The following GALNT7 variants were observed in gnomAD, a reference collection of about 807,000 sequenced individuals.
GALNT7 encodes polypeptide N-acetylgalactosaminyltransferase 7, also known as N-acetylgalactosaminyltransferase 7.
A neutral mutation model predicts 82.1 loss-of-function variants in GALNT7; 60 were observed. The observed-to-expected ratio is 0.73, with a 90% CI of 0.59 to 0.91. The LOEUF is 0.91. Among genes scored for constraint, GALNT7 ranks in the 40% least tolerant of loss-of-function variants. GALNT7 has a pLI of 0.00. For missense variants in GALNT7, 660 were observed against 804.2 expected (o/e 0.82, Z 2.17); for synonymous variants, 243 against 275.1 (o/e 0.88, Z 1.15).
At chr4:173,214,993 G>A (rs951827764) in intron 1 of GALNT7, among the ~76,000 whole-genome samples, 1 of 152,032 alleles carries the variant, frequency 6.6e-6, no homozygotes, top group East Asian at 1.9e-4. Flanking sequence ...GTTGTGGCTT[G>A]GACATGTGGA....
intron 9 of GALNT7, among the ~76,000 whole-genome samples, chr4:173,315,188 G>A (rs189552619): frequency 3.9e-5 from 6 of 152,248 alleles, no homozygotes; most frequent in Non-Finnish European, 7.4e-5. Flanking sequence ...GACCAACTGC[G>A]GAAGCATAGT....
At chr4:173,220,879 A>G (rs973740130) in intron 1 of GALNT7, among the ~76,000 whole-genome samples, 1 of 151,850 alleles carries the variant, frequency 6.6e-6, no homozygotes, top group Non-Finnish European at 1.5e-5. Context: ...TATGTGCTAC[A>G]TTTTCTTAAT....
intron 2 of GALNT7, among the ~76,000 whole-genome samples, chr4:173,277,128 A>G (rs1377910492): frequency 2.0e-5 from 3 of 152,240 alleles, no homozygotes; most frequent in South Asian, 2.1e-4. Context: ...TTACAAAAAT[A>G]TCAAGTGTAG....
intron 2 of GALNT7, among the ~76,000 whole-genome samples, chr4:173,258,913 C>G (rs1314222510): frequency 6.6e-6 from 1 of 152,214 alleles, no homozygotes. Context: ...TTTCTTGCCT[C>G]CTAAGACAGG....
intron 11 of GALNT7, among the ~76,000 whole-genome samples, chr4:173,319,858 T>G (rs1352659514): frequency 1.3e-5 from 2 of 152,056 alleles, no homozygotes; most frequent in Non-Finnish European, 2.9e-5. Context: ...AAAGAGTGAT[T>G]CATGGGAGGA....
chr4:173,263,844 T>C (rs1735372717), intron 2 of GALNT7, among the ~76,000 whole-genome samples: 1 of 152,142 alleles, frequency 6.6e-6, no homozygotes, highest in African/African-American at 2.4e-5. Flanking sequence ...CTAGAGATAG[T>C]GCTAAGATAA....
chr4:173,310,757 C>T (rs893622309), intron 8 of GALNT7, among the ~76,000 whole-genome samples: 50 of 151,908 alleles, frequency 3.3e-4, no homozygotes, highest in African/African-American at 1.1e-3. Context: ...TGTTTTGAGA[C>T]GGAGTTTCAC....
chr4:173,256,658 T>C (rs1033845544), intron 2 of GALNT7, among the ~76,000 whole-genome samples: 1 of 152,042 alleles, frequency 6.6e-6, no homozygotes, highest in African/African-American at 2.4e-5. Flanking sequence ...CAGAGATTGC[T>C]AGGACTACAT....
At chr4:173,237,793 C>G (rs566746327) in intron 1 of GALNT7, among the ~76,000 whole-genome samples, 2 of 151,664 alleles carry the variant, frequency 1.3e-5, no homozygotes, top group South Asian at 4.2e-4. Context: ...AGTGTGGTCT[C>G]CAGGGATTGA....
At chr4:173,207,276 A>G (rs1482957936) in intron 1 of GALNT7, among the ~76,000 whole-genome samples, 4 of 152,230 alleles carry the variant, frequency 2.6e-5, no homozygotes, top group African/African-American at 9.7e-5. Flanking sequence ...ATGCTTTTTA[A>G]AAATCTTAAT....
At chr4:173,310,097 A>C (rs57706796) in intron 8 of GALNT7, among the ~76,000 whole-genome samples, 1,564 of 152,308 alleles carry the variant, frequency 0.01, 31 homozygotes, top group African/African-American at 0.036. Context: ...GACAGCATCT[A>C]CTTGAGCCAT....
chr4:173,322,328 G>C lies in GALNT7; in HGVS notation c.*611G>C, dbSNP rs1288317147. On this transcript the variant is annotated 3_prime_UTR_variant, in exon 12 of 12. Transcript: ENST00000265000. ...TCTATAGGATGGTAATGATGGACTTGTCACCTGTATGGGGAATACTTTTAC... is the reference window on the plus strand; with the variant it reads ...TCTATAGGATGGTAATGATGGACTTCTCACCTGTATGGGGAATACTTTTAC... 1 of 152,656 alleles carries C rather than the reference G, an allele frequency of 6.6e-6. No individual in the cohort carries two copies. The highest frequency in any genetic ancestry group is 1.5e-5 in the Non-Finnish European group (1 of 68,082). The allele number at this position is 152,656 out of a possible 1,614,324, so 9.5% of individuals were successfully genotyped here.
intron 2 of GALNT7, among the ~76,000 whole-genome samples, chr4:173,270,196 G>A (rs1735672468): frequency 2.0e-5 from 3 of 152,118 alleles, no homozygotes; most frequent in Non-Finnish European, 2.9e-5. Flanking sequence ...TAATTTGGAG[G>A]TACAGGGGAA....
At position 173,291,999 on chromosome 4, in the gene GALNT7, T is replaced by C. The variant is rs1480820675; in HGVS notation, c.588-109T>C. On this transcript the variant is annotated intron_variant, in intron 2 of 11. Transcript: ENST00000265000. ...TTTTGAAGGCTATATTTCATTCACT[T>C]ACCGTAGTTAAGTCGATAGTATGTA... 7.7e-6 allele frequency: 5 copies of C among 653,340 alleles called. No homozygotes were observed. In the African/African-American group the frequency reaches 9.5e-5, roughly 12 times the overall value. 40.5% of individuals were successfully genotyped at this position (653,340 alleles called of 1,614,324 possible).
intron 2 of GALNT7, among the ~76,000 whole-genome samples, chr4:173,267,429 G>GT (rs1403591595): frequency 6.6e-6 from 1 of 152,176 alleles, no homozygotes; most frequent in East Asian, 1.9e-4. Context: ...GTACTTGAGG[G>GT]TTTGTGGACA....
At chr4:173,191,230 G>C (rs183109462) in intron 1 of GALNT7, among the ~76,000 whole-genome samples, 194 of 152,240 alleles carry the variant, frequency 1.3e-3, no homozygotes, top group African/African-American at 4.5e-3. Flanking sequence ...GATGGGATGG[G>C]GGGGGTACTT....
chr4:173,232,544 C>T (rs1226247641), intron 1 of GALNT7, among the ~76,000 whole-genome samples: 1 of 151,854 alleles, frequency 6.6e-6, no homozygotes, highest in Non-Finnish European at 1.5e-5. Flanking sequence ...GCAATCCTCC[C>T]ACCTCAGCCT....
chr4:173,204,754 C>T (rs1733035934), intron 1 of GALNT7, among the ~76,000 whole-genome samples: 1 of 152,026 alleles, frequency 6.6e-6, no homozygotes, highest in South Asian at 2.1e-4. Context: ...TTTAAGTTTC[C>T]TTAAAACAAT....
intron 2 of GALNT7, among the ~76,000 whole-genome samples, chr4:173,264,271 GTAAC>G (rs1164500717): frequency 6.6e-6 from 1 of 152,196 alleles, no homozygotes; most frequent in Non-Finnish European, 1.5e-5. Context: ...CAAAGCCAGA[GTAAC>G]TAAGATATGA....
Sources: allele counts gnomAD v4.1 joint callset (sites outside exome capture counted in the v4.1 genomes callset), GRCh38; gene constraint gnomAD v4.1.1; transcripts MANE v1.5; gene names NCBI Gene and HGNC (gene_info 2026-07-23, HGNC 2026-07-21).